The following DNAH9 variants were observed in gnomAD, a reference collection of about 807,000 sequenced individuals.
The protein encoded by DNAH9 is dynein axonemal heavy chain 9, also known as DNAH9 variant protein.
DNAH9 carries 345 observed loss-of-function variants against 471.6 expected under a neutral mutation model. The observed-to-expected ratio is 0.73, with a 90% CI of 0.67 to 0.80. The LOEUF is 0.80. Among genes scored for constraint, DNAH9 ranks in the 30% least tolerant of loss-of-function variants. The pLI is 0.00. For missense variants in DNAH9, 5,407 were observed against 5,609.2 expected, an observed-to-expected ratio of 0.96 and a Z score of 1.15; for synonymous variants, 2,093 against 2,123.6, an observed-to-expected ratio of 0.99 and a Z score of 0.40.
At chr17:11,762,789 T>TTTTTTTTTTTG (rs1567783499) in intron 35 of DNAH9, among the ~76,000 whole-genome samples, 2 of 135,360 alleles carry the variant, frequency 1.5e-5, no homozygotes, top group Non-Finnish European at 3.2e-5. Context: ...TTTTTTTTTT[T>TTTTTTTTTTTG]TTTTTTTTGA....
chr17:11,725,246 C>T (rs936236353), intron 27 of DNAH9, among the ~76,000 whole-genome samples: 3 of 152,326 alleles, frequency 2.0e-5, no homozygotes, highest in Middle Eastern at 3.4e-3. Flanking sequence ...ACAAACACAA[C>T]GCCTGGAACT....
intron 28 of DNAH9, chr17:11,728,133 A>G: frequency 1.8e-6 from 1 of 556,098 alleles, no homozygotes; most frequent in Non-Finnish European, 3.2e-6. Context: ...AGAACCATTT[A>G]CTGGCTTTGG....
chr17:11,914,925 C>T (rs1408562408), intron 61 of DNAH9, among the ~76,000 whole-genome samples: 1 of 152,098 alleles, frequency 6.6e-6, no homozygotes. Context: ...TAAATGCCAC[C>T]ACCATTTACC....
chr17:11,877,304 C>T (rs1972531537), intron 53 of DNAH9, among the ~76,000 whole-genome samples: 1 of 151,108 alleles, frequency 6.6e-6, no homozygotes, highest in Admixed American at 6.6e-5. Context: ...GAAATCCCAT[C>T]TCTACTAAAA....
At chr17:11,742,692 A>C (rs1278382772) in intron 30 of DNAH9, among the ~76,000 whole-genome samples, 2 of 152,200 alleles carry the variant, frequency 1.3e-5, no homozygotes, top group African/African-American at 4.8e-5. Context: ...TGAGCTTCTC[A>C]TAGTTGCTTG....
intron 61 of DNAH9, among the ~76,000 whole-genome samples, chr17:11,908,086 C>T (rs947380340): frequency 6.6e-6 from 1 of 152,138 alleles, no homozygotes; most frequent in African/African-American, 2.4e-5. Flanking sequence ...TCCACATACA[C>T]GGGGTGGGGA....
intron 27 of DNAH9, among the ~76,000 whole-genome samples, chr17:11,722,108 A>G (rs2075069977): frequency 6.6e-6 from 1 of 152,232 alleles, no homozygotes; most frequent in Admixed American, 6.5e-5. Flanking sequence ...GTGCGAGGTC[A>G]GGAAGAGCTG....
intron 49 of DNAH9, among the ~76,000 whole-genome samples, chr17:11,846,079 T>C (rs921187344): frequency 1.3e-5 from 2 of 151,184 alleles, no homozygotes; most frequent in African/African-American, 2.5e-5. Context: ...TCCTTGCCCA[T>C]GCCTATGTCC....
chr17:11,828,699 G>T (rs1567831659), intron 48 of DNAH9, among the ~76,000 whole-genome samples: 1 of 151,936 alleles, frequency 6.6e-6, no homozygotes, highest in African/African-American at 2.4e-5. Flanking sequence ...TCTACGACTG[G>T]TTCACATCTC....
At chr17:11,677,584 C>G (rs1476864149) in intron 17 of DNAH9, among the ~76,000 whole-genome samples, 1 of 152,116 alleles carries the variant, frequency 6.6e-6, no homozygotes, top group Admixed American at 6.5e-5. Context: ...TTTAAATCCA[C>G]TTTAGCAATA....
At chr17:11,824,114 C>T (rs1352058675) in intron 48 of DNAH9, among the ~76,000 whole-genome samples, 1 of 152,126 alleles carries the variant, frequency 6.6e-6, no homozygotes, top group Non-Finnish European at 1.5e-5. Context: ...CAAATACTGC[C>T]TCTTTGATGA....
chr17:11,728,593 G>A lies in DNAH9; in HGVS notation c.5814+671G>A, dbSNP rs372899038. ...CGTGAGTACTTTCAATGTTCTAGAG[G>A]TGACTTAAATTCTGACTGAGATGAG... On this transcript the variant is annotated intron_variant, in intron 28 of 68. Transcript: ENST00000262442. Among the ~76,000 whole-genome samples, 42 of 151,970 alleles carry A rather than the reference G, an allele frequency of 2.8e-4. No homozygotes were observed. The South Asian group carries it at 5.0e-3, about 18-fold the overall frequency.
At chr17:11,619,859 A>G in intron 6 of DNAH9, 78 bp downstream of exon 6, 1 of 806,042 alleles carries the variant, frequency 1.2e-6, no homozygotes, top group Non-Finnish European at 2.2e-6. Context: ...TGGAATAGGA[A>G]AATGCACAAC....
chr17:11,949,105 G>A (rs1300658826), intron 67 of DNAH9, among the ~76,000 whole-genome samples: 2 of 152,154 alleles, frequency 1.3e-5, no homozygotes, highest in South Asian at 2.1e-4. Flanking sequence ...TTAAAAGAAC[G>A]AAGACCTACA....
chr17:11,603,521 T>G (rs985367820), intron 1 of DNAH9, among the ~76,000 whole-genome samples: 2 of 152,192 alleles, frequency 1.3e-5, no homozygotes, highest in African/African-American at 2.4e-5. Context: ...ATGCCAACCC[T>G]AAGGCTGAAA....
rs1451746601 is a variant in DNAH9 at position 11,762,758 on chromosome 17, GTTTTTTTTTTTGTT to G, written c.6996-670_6996-657del. 4.4e-4 allele frequency among the ~76,000 whole-genome samples: 42 copies of G among 94,790 alleles called. 1 individual carries two copies. The highest frequency in any genetic ancestry group is 4.1e-4 in the Admixed American group (3 of 7,292). 62.2% of individuals were successfully genotyped at this position (94,790 alleles called of 152,430 possible). A position where few individuals can be genotyped will look rare whatever the true frequency, so the allele number is the denominator to read the frequency against. On this transcript the variant is annotated intron_variant, in intron 35 of 68. Coordinates refer to ENST00000262442, the MANE Select transcript of DNAH9 (RefSeq NM_001372.4). ...GCACCAAAATTGCCTCTTTAGGTGC[GTTTTTTTTTTTGTT>G]TTTTTTTTTTTTTTTTTTTTTTTTT...
chr17:11,822,730 G>C, intron 47 of DNAH9, 71 bp from the exon 48 acceptor site: 1 of 1,590,226 alleles, frequency 6.3e-7, no homozygotes, highest in East Asian at 2.2e-5. Flanking sequence ...AATGGCTGGG[G>C]TGAGGGGTGA....
chr17:11,751,255 ACT>A (rs1417451752), intron 32 of DNAH9, among the ~76,000 whole-genome samples: 3 of 151,944 alleles, frequency 2.0e-5, no homozygotes, highest in African/African-American at 4.8e-5. Flanking sequence ...TGAAAAGATA[ACT>A]CTGAAATTAT....
intron 44 of DNAH9, among the ~76,000 whole-genome samples, chr17:11,809,293 C>T (rs1044210010): frequency 1.3e-5 from 2 of 152,046 alleles, no homozygotes; most frequent in Admixed American, 1.3e-4. Context: ...AGGCTGGGCA[C>T]AGTGGCTCAT....
Sources: allele counts gnomAD v4.1 joint callset (sites outside exome capture counted in the v4.1 genomes callset), GRCh38; gene constraint gnomAD v4.1.1; transcripts MANE v1.5; gene names NCBI Gene and HGNC (gene_info 2026-07-23, HGNC 2026-07-21).